RUNDC3B: variants seen among roughly 807,000 people sequenced by gnomAD.
RUNDC3B encodes RUN domain containing 3B, also known as RUN domain-containing protein 3B.
In RUNDC3B, 33 loss-of-function variants were observed where a neutral mutation model predicts 58.4. That is an observed-to-expected ratio of 0.56 (90% confidence interval 0.43 to 0.75). The LOEUF (loss-of-function observed/expected upper bound fraction) is 0.75. Among genes scored for constraint, RUNDC3B ranks in the 30% least tolerant of loss-of-function variants. The probability of loss-of-function intolerance (pLI) is 0.00; values close to 1 mark genes in which losing one functional copy is unlikely to be tolerated. For synonymous variants in RUNDC3B, 193 were observed against 195.2 expected (o/e 0.99, Z 0.10); for missense variants, 501 against 535.7 (o/e 0.94, Z 0.64).
At chr7:87,687,547 T>C (rs762951832) in intron 2 of RUNDC3B, among the ~76,000 whole-genome samples, 2 of 152,198 alleles carry the variant, frequency 1.3e-5, no homozygotes, top group Non-Finnish European at 2.9e-5. Context: ...TTACCAGGAC[T>C]AAGATCTTCA....
chr7:87,693,806 T>C (rs2130658016), intron 2 of RUNDC3B: 1 of 1,080,962 alleles, frequency 9.3e-7, no homozygotes, highest in African/African-American at 1.6e-5. Flanking sequence ...GCTTCAAAAT[T>C]ATATGTAGCC....
At chr7:87,810,842 AT>A (rs1252362684) in intron 9 of RUNDC3B, among the ~76,000 whole-genome samples, 4 of 152,158 alleles carry the variant, frequency 2.6e-5, no homozygotes, top group Non-Finnish European at 5.9e-5. Context: ...TAAGCCTAAC[AT>A]GCTTTAACAA....
chr7:87,728,799 A>G (rs1254149445), intron 4 of RUNDC3B, among the ~76,000 whole-genome samples: 1 of 152,174 alleles, frequency 6.6e-6, no homozygotes, highest in East Asian at 1.9e-4. Context: ...TTTTCTACCT[A>G]AAAAATTGGT....
chr7:87,644,078 C>G (rs1268713262), intron 1 of RUNDC3B, among the ~76,000 whole-genome samples: 1 of 152,122 alleles, frequency 6.6e-6, no homozygotes, highest in East Asian at 1.9e-4. Context: ...AGGCTGGTCT[C>G]AAACTCCTGA....
chr7:87,790,786 A>G (rs1044641075), intron 8 of RUNDC3B, among the ~76,000 whole-genome samples: 1 of 152,104 alleles, frequency 6.6e-6, no homozygotes, highest in African/African-American at 2.4e-5. Context: ...TTGAAAATTC[A>G]GAGTCAGAGG....
intron 1 of RUNDC3B, 41 bp downstream of exon 1, chr7:87,628,986 G>T (rs754779154): frequency 3.1e-6 from 4 of 1,303,206 alleles, no homozygotes; most frequent in Non-Finnish European, 3.9e-6. Context: ...CTCCCGCCGG[G>T]GCTGAGAGCT....
Position 87,823,950 on chromosome 7 carries a change from A to G in RUNDC3B, c.1226-5935A>G, listed in dbSNP as rs1241433591. ...ATTTTAAAAAATCACATAAATTGAG[A>G]AAAATAATTAAGCCAATGAACTTCA... On this transcript the variant is annotated intron_variant, in intron 10 of 10. Transcript: ENST00000394654. Among the ~76,000 whole-genome samples, 7 of 152,140 alleles carry G rather than the reference A, an allele frequency of 4.6e-5. No individual in the cohort carries two copies. The South Asian group carries it at 6.2e-4, about 13-fold the overall frequency.
intron 8 of RUNDC3B, among the ~76,000 whole-genome samples, chr7:87,790,860 G>A (rs941336725): frequency 2.0e-5 from 3 of 152,074 alleles, no homozygotes; most frequent in Non-Finnish European, 2.9e-5. Flanking sequence ...CCTCAAAAGA[G>A]CAAATCTAAG....
chr7:87,738,174 A>G (rs1414124989), intron 4 of RUNDC3B, among the ~76,000 whole-genome samples: 1 of 152,080 alleles, frequency 6.6e-6, no homozygotes, highest in Non-Finnish European at 1.5e-5. Context: ...CATATGTCTC[A>G]TAGAATTTAG....
chr7:87,630,469 T>G (rs1049865093), intron 1 of RUNDC3B, among the ~76,000 whole-genome samples: 1 of 152,170 alleles, frequency 6.6e-6, no homozygotes, highest in Admixed American at 6.5e-5. Context: ...GGCTGTTAGG[T>G]GTTTTAAAAT....
chr7:87,788,571 CTT>C (rs1282335395), intron 8 of RUNDC3B, among the ~76,000 whole-genome samples: 1 of 151,720 alleles, frequency 6.6e-6, no homozygotes, highest in African/African-American at 2.4e-5. Context: ...TGTTTTAACT[CTT>C]ATTTATATAT....
Position 87,737,564 on chromosome 7 carries a change from C to A in RUNDC3B, c.459-2227C>A, listed in dbSNP as rs561161493. Reference sequence around the variant, plus strand: ...AAAATATTATCTTCTCAGATCGTTTCAGTTTTCTAAATACTGAATTACTTT... The same window carrying A: ...AAAATATTATCTTCTCAGATCGTTTAAGTTTTCTAAATACTGAATTACTTT... On this transcript the variant is annotated intron_variant, in intron 4 of 10. Coordinates refer to ENST00000394654, the MANE Select transcript of RUNDC3B (RefSeq NM_001134405.2). 2.0e-5 allele frequency among the ~76,000 whole-genome samples: 3 copies of A among 152,152 alleles called. No individual in the cohort carries two copies. The South Asian group carries it at 6.2e-4, about 32-fold the overall frequency.
At chr7:87,683,340 T>G (rs1294423956) in intron 2 of RUNDC3B, among the ~76,000 whole-genome samples, 1 of 152,238 alleles carries the variant, frequency 6.6e-6, no homozygotes, top group East Asian at 1.9e-4. Context: ...AACTTTTTCT[T>G]TGTATTCACC....
chr7:87,821,874 TTA>T (rs1584289198), intron 10 of RUNDC3B, among the ~76,000 whole-genome samples: 1 of 152,130 alleles, frequency 6.6e-6, no homozygotes, highest in African/African-American at 2.4e-5. Flanking sequence ...TCCTTACACC[TTA>T]TACAAAAATT....
chr7:87,783,946 G>T (rs947792499), intron 8 of RUNDC3B, among the ~76,000 whole-genome samples: 2 of 151,796 alleles, frequency 1.3e-5, no homozygotes, highest in Non-Finnish European at 2.9e-5. Context: ...TTTCTTTCAC[G>T]TTGACCTGGC....
At chr7:87,783,195 GTA>G (rs1392684211) in intron 8 of RUNDC3B, among the ~76,000 whole-genome samples, 3 of 151,772 alleles carry the variant, frequency 2.0e-5, no homozygotes, top group East Asian at 1.9e-4. Flanking sequence ...GTGTGTGTGT[GTA>G]TATGACAGTT....
At chr7:87,758,321 C>G (rs978765161) in intron 6 of RUNDC3B, among the ~76,000 whole-genome samples, 1 of 151,848 alleles carries the variant, frequency 6.6e-6, no homozygotes, top group African/African-American at 2.4e-5. Context: ...AACCCAGACT[C>G]AAAAAAACAA....
At chr7:87,688,329 A>C (rs1452434261) in intron 2 of RUNDC3B, among the ~76,000 whole-genome samples, 1 of 151,804 alleles carries the variant, frequency 6.6e-6, no homozygotes, top group Non-Finnish European at 1.5e-5. Context: ...GAAAATAATC[A>C]CTACATAGTT....
At chr7:87,630,762 A>G (rs774112016) in intron 1 of RUNDC3B, among the ~76,000 whole-genome samples, 63 of 151,722 alleles carry the variant, frequency 4.2e-4, no homozygotes, top group Non-Finnish European at 7.2e-4. Flanking sequence ...GAATAATTTC[A>G]GTGATGGGTA....
Sources: gnomAD v4.1 joint callset for allele counts (sites outside exome capture counted in the v4.1 genomes callset) on GRCh38, gnomAD v4.1.1 for gene constraint, MANE v1.5 for transcripts, NCBI Gene and HGNC (gene_info 2026-07-23, HGNC 2026-07-21) for gene names.